The following COG6 variants were observed in gnomAD, a reference collection of about 807,000 sequenced individuals.
The protein encoded by COG6 is component of oligomeric golgi complex 6, also known as conserved oligomeric Golgi complex subunit 6.
In COG6, 74 loss-of-function variants were observed where a neutral mutation model predicts 88.8. The ratio of observed to expected loss-of-function variants is 0.83; its 90% CI spans 0.69 to 1.01. COG6 has a LOEUF of 1.01. Among genes scored for constraint, COG6 ranks in the 50% least tolerant of loss-of-function variants. The pLI is 0.00. For synonymous variants in COG6, 286 were observed against 278.7 expected, an observed-to-expected ratio of 1.03 and a Z score of -0.26; for missense variants, 800 against 797.9, an observed-to-expected ratio of 1.00 and a Z score of -0.03.
chr13:39,742,186 C>T (rs1312218476), intron 18 of COG6, among the ~76,000 whole-genome samples: 1 of 152,168 alleles, frequency 6.6e-6, no homozygotes, highest in Non-Finnish European at 1.5e-5. Context: ...TGGGAAGAAA[C>T]AGCATCAACT....
At chr13:39,683,565 AC>A (rs1442666509) in intron 8 of COG6, among the ~76,000 whole-genome samples, 1 of 152,184 alleles carries the variant, frequency 6.6e-6, no homozygotes, top group Non-Finnish European at 1.5e-5. Context: ...GTTAATGTTT[AC>A]CATTGATCAG....
intron 18 of COG6, among the ~76,000 whole-genome samples, chr13:39,739,199 C>A (rs550347616): frequency 6.6e-6 from 1 of 151,886 alleles, no homozygotes; most frequent in African/African-American, 2.4e-5. Context: ...TAGAAAGTTC[C>A]TAGCAAGAAC....
downstream of COG6, among the ~76,000 whole-genome samples, chr13:39,754,709 T>C (rs1880776925): frequency 6.6e-6 from 1 of 152,210 alleles, no homozygotes; most frequent in Non-Finnish European, 1.5e-5. Flanking sequence ...AAGTACCTAC[T>C]AGGTAGTAGG....
chr13:39,742,098 A>G (rs1186920064), intron 18 of COG6, among the ~76,000 whole-genome samples: 2 of 152,316 alleles, frequency 1.3e-5, no homozygotes, highest in Admixed American at 1.3e-4. Flanking sequence ...GAGCTCCTGA[A>G]GGAAGCACTA....
rs549022986 is a variant in COG6, at chr13:39,783,922, T to C, written c.1827-4413T>C. ...GATAAACATATAACCTGAAGGCAAG[T>C]GAGATCATTTTTCATTCTAGCCTAC... is the stretch of plus-strand genomic sequence containing the variant. On this transcript the variant is annotated intron_variant, in intron 18 of 18. Coordinates refer to the COG6 transcript ENST00000416691. Among the ~76,000 whole-genome samples, 25 of 152,182 alleles carry C rather than the reference T, an allele frequency of 1.6e-4. No homozygotes were observed. In the South Asian group the frequency reaches 5.0e-3, roughly 30 times the overall value.
At chr13:39,778,176 A>G (rs180713432) in intron 18 of COG6, among the ~76,000 whole-genome samples, 3 of 152,360 alleles carry the variant, frequency 2.0e-5, no homozygotes, top group Admixed American at 2.0e-4. Context: ...GATTTAATAC[A>G]TATCCAATTT....
At chr13:39,717,913 G>T (rs1317259343) in intron 13 of COG6, among the ~76,000 whole-genome samples, 2 of 152,088 alleles carry the variant, frequency 1.3e-5, no homozygotes, top group Non-Finnish European at 2.9e-5. Context: ...TTTCAGTTGT[G>T]TACTTTTTGA....
intron 12 of COG6, among the ~76,000 whole-genome samples, chr13:39,698,468 T>C (rs1877397107): frequency 6.6e-6 from 1 of 151,966 alleles, no homozygotes; most frequent in South Asian, 2.1e-4. Context: ...GCTATATATA[T>C]ATGCACTTTA....
chr13:39,665,701 A>T (rs1297768321), intron 4 of COG6, among the ~76,000 whole-genome samples: 2 of 152,220 alleles, frequency 1.3e-5, no homozygotes, highest in Non-Finnish European at 2.9e-5. Context: ...CATTAACTGC[A>T]TCTCTCATGT....
intron 4 of COG6, among the ~76,000 whole-genome samples, chr13:39,667,398 C>A (rs1383719098): frequency 6.6e-6 from 1 of 152,072 alleles, no homozygotes; most frequent in Non-Finnish European, 1.5e-5. Flanking sequence ...TTGATGTTGT[C>A]CTCAGATTTA....
intron 18 of COG6, among the ~76,000 whole-genome samples, chr13:39,777,693 C>G (rs1321714023): frequency 2.0e-5 from 3 of 152,156 alleles, no homozygotes; most frequent in Admixed American, 2.0e-4. Context: ...GTTGGAGTAT[C>G]TTTAAGGCCA....
intron 1 of COG6, chr13:39,656,750 A>G (rs1464104100): frequency 7.5e-5 from 33 of 440,274 alleles, no homozygotes; most frequent in Admixed American, 7.1e-4. Context: ...GGAGACTACC[A>G]CTTATTAGAT....
At chr13:39,758,714 T>G (rs1880922471) in intron 18 of COG6, among the ~76,000 whole-genome samples, 1 of 152,192 alleles carries the variant, frequency 6.6e-6, no homozygotes, top group African/African-American at 2.4e-5. Flanking sequence ...GACCTAGCAA[T>G]TCTATGCCTA....
At chr13:39,718,693 G>A (rs937782616) in intron 13 of COG6, among the ~76,000 whole-genome samples, 14 of 152,084 alleles carry the variant, frequency 9.2e-5, no homozygotes, top group African/African-American at 3.4e-4. Flanking sequence ...TAATGGTAAT[G>A]TTATACTGTT....
intron 18 of COG6, 39 bp downstream of exon 18, chr13:39,727,587 C>T (rs1566030219): frequency 6.5e-6 from 9 of 1,384,332 alleles, no homozygotes; most frequent in Non-Finnish European, 9.3e-6. Context: ...TAAAGATTCA[C>T]ATATTTTTAA....
intron 1 of COG6, chr13:39,656,969 T>C: frequency 2.2e-6 from 1 of 446,660 alleles, no homozygotes. Flanking sequence ...ATGAAGTGTT[T>C]AATGTGTCTC....
chr13:39,711,503 G>T (rs529731693), intron 13 of COG6, among the ~76,000 whole-genome samples: 2 of 85,484 alleles, frequency 2.3e-5, no homozygotes, highest in Non-Finnish European at 5.3e-5. Flanking sequence ...TCTAAGCTCT[G>T]CCCCTTCTAA....
intron 13 of COG6, among the ~76,000 whole-genome samples, chr13:39,705,903 G>A (rs1344152134): frequency 1.3e-5 from 2 of 151,828 alleles, no homozygotes; most frequent in Non-Finnish European, 2.9e-5. Context: ...TGCTGTTCTG[G>A]TTGAATAGTT....
At chr13:39,718,785 C>G (rs1566193879) in intron 13 of COG6, among the ~76,000 whole-genome samples, 1 of 152,048 alleles carries the variant, frequency 6.6e-6, no homozygotes, top group Non-Finnish European at 1.5e-5. Context: ...ACTGTCAATT[C>G]CTGAACCCCT....
Sources: gnomAD v4.1 joint callset for allele counts (sites outside exome capture counted in the v4.1 genomes callset) on GRCh38, gnomAD v4.1.1 for gene constraint, MANE v1.5 for transcripts, NCBI Gene and HGNC (gene_info 2026-07-23, HGNC 2026-07-21) for gene names.